TSPAN16: variants seen among roughly 807,000 people sequenced by gnomAD.
TSPAN16 encodes the protein tetraspanin 16, also known as tetraspanin-16.
In TSPAN16, 23 loss-of-function variants were observed where a neutral mutation model predicts 25.2. The ratio of observed to expected loss-of-function variants is 0.91; its 90% CI spans 0.66 to 1.29. The LOEUF is 1.29. TSPAN16 is among the 50% of genes most tolerant of loss of function. The pLI, the probability that TSPAN16 is intolerant of heterozygous loss-of-function variation, is 0.00. For missense variants in TSPAN16, 272 were observed against 299.9 expected, an observed-to-expected ratio of 0.91 and a Z score of 0.69; for synonymous variants, 123 against 124.4, an observed-to-expected ratio of 0.99 and a Z score of 0.08.
At chr19:11,321,305 G>A (rs191154374) in intron 6 of TSPAN16, 1 of 152,288 alleles carries the variant, frequency 6.6e-6, no homozygotes, top group Non-Finnish European at 1.5e-5. Context: ...TTCTTCACAA[G>A]GTGGCAGGAA....
At chr19:11,321,429 C>A (rs2080778944) in intron 6 of TSPAN16, 1 of 152,198 alleles carries the variant, frequency 6.6e-6, no homozygotes, top group Admixed American at 6.5e-5. Context: ...ATTCAATGAC[C>A]TCCACCTGGT....
At chr19:11,313,526 C>CAA (rs59048434) in intron 6 of TSPAN16, among the ~76,000 whole-genome samples, 4 of 118,574 alleles carry the variant, frequency 3.4e-5, no homozygotes, top group Admixed American at 8.7e-5. Flanking sequence ...GACTCTGTCT[C>CAA]AAAAAAAAAA....
chr19:11,326,622 G>C (rs1413709839), intron 6 of TSPAN16, among the ~76,000 whole-genome samples: 2 of 152,170 alleles, frequency 1.3e-5, no homozygotes, highest in Non-Finnish European at 2.9e-5. Context: ...TTTTTTAAAA[G>C]AGAAACGGTC....
chr19:11,302,821 C>T (rs1431061160), intron 4 of TSPAN16, among the ~76,000 whole-genome samples: 1 of 151,300 alleles, frequency 6.6e-6, no homozygotes, highest in East Asian at 1.9e-4. Flanking sequence ...CAGGCTGAAG[C>T]AACCTTCCCA....
chr19:11,298,305 G>A lies in TSPAN16; in HGVS notation c.233G>A (p.Gly78Glu). 6.2e-7 allele frequency: 1 copy of A among 1,614,134 alleles called. No homozygotes were observed. Among genetic ancestry groups the A allele is most frequent in the Non-Finnish European group, 8.5e-7 (1 of 1,180,026 alleles). Reference sequence around the variant, plus strand: ...CTGCTTGGCTGTGCCGGGTGGTATGGAGCGACTAAAGAGAGCAGAGGCACG... The same window carrying A: ...CTGCTTGGCTGTGCCGGGTGGTATGAAGCGACTAAAGAGAGCAGAGGCACG... ...TVLLGCAGWYGATKESRGTLL... is the reference protein window; with the variant it reads ...TVLLGCAGWYEATKESRGTLL... Residue 78 changes from glycine to glutamate, a missense_variant, in exon 2 of 7, where the codon GGA becomes GAA. Coordinates refer to ENST00000590327, the MANE Select transcript of TSPAN16 (RefSeq NM_001282509.2).
At chr19:11,316,358 G>A (rs1339479245), downstream of TSPAN16, among the ~76,000 whole-genome samples, 1 of 152,034 alleles carries the variant, frequency 6.6e-6, no homozygotes, top group African/African-American at 2.4e-5. Context: ...GAGTTCAGGT[G>A]ATCCACCTGC....
At chr19:11,297,156 C>T (rs914711803) in intron 1 of TSPAN16, among the ~76,000 whole-genome samples, 11 of 152,120 alleles carry the variant, frequency 7.2e-5, no homozygotes, top group Non-Finnish European at 1.5e-4. Flanking sequence ...CTCCTCTTCA[C>T]TTGTAACATT....
downstream of TSPAN16, among the ~76,000 whole-genome samples, chr19:11,318,208 A>G (rs1253068099): frequency 6.6e-6 from 1 of 151,602 alleles, no homozygotes; most frequent in African/African-American, 2.4e-5. Flanking sequence ...TTGTATTTTT[A>G]TAGAGATGGG....
intron 6 of TSPAN16, chr19:11,326,667 G>A: frequency 1.6e-6 from 1 of 630,376 alleles, no homozygotes; most frequent in Non-Finnish European, 2.8e-6. Context: ...GTAGTGGTAT[G>A]AACATGGCTC....
At chr19:11,299,066 G>A (rs1599326369) in intron 3 of TSPAN16, 120 bp downstream of exon 3, 1 of 985,770 alleles carries the variant, frequency 1.0e-6, no homozygotes, top group Non-Finnish European at 1.5e-6. Context: ...GATCACCTGA[G>A]GTCATGAGTT....
chr19:11,311,469 C>CACCACG (rs2080691864), intron 5 of TSPAN16, among the ~76,000 whole-genome samples: 2 of 152,128 alleles, frequency 1.3e-5, no homozygotes, highest in African/African-American at 2.4e-5. Context: ...ATTGCTGTGT[C>CACCACG]CCCTGGGCTG....
chr19:11,311,425 C>T (rs1213274519), intron 5 of TSPAN16, among the ~76,000 whole-genome samples: 2 of 151,752 alleles, frequency 1.3e-5, no homozygotes, highest in African/African-American at 2.4e-5. Flanking sequence ...TGAACCACCA[C>T]GCCCAGCCTA....
At chr19:11,300,543 G>A (rs1331560102) in intron 3 of TSPAN16, among the ~76,000 whole-genome samples, 1 of 152,124 alleles carries the variant, frequency 6.6e-6, no homozygotes, top group South Asian at 2.1e-4. Flanking sequence ...TACTCCTGTC[G>A]AGAACAGCCA....
Position 11,301,185 on chromosome 19 carries a change from C to T in TSPAN16, c.343-16C>T, listed in dbSNP as rs1372288448. 1 of 1,609,590 alleles carries T rather than the reference C, an allele frequency of 6.2e-7. No homozygotes were observed. Among genetic ancestry groups the T allele is most frequent in the African/African-American group, 1.3e-5 (1 of 74,896 alleles). The stretch of plus-strand genomic sequence containing the variant: ...TGCTAGTTGGGGTACTGATCACTTC[C>T]TGTCCTCTCTGTGAGGTTGGAGATG... On this transcript the variant is annotated splice_polypyrimidine_tract_variant and intron_variant, in intron 3 of 6. Coordinates refer to ENST00000590327, the MANE Select transcript of TSPAN16 (RefSeq NM_001282509.2).
At chr19:11,321,100 C>T (rs1049010189) in intron 6 of TSPAN16, among the ~76,000 whole-genome samples, 2 of 149,860 alleles carry the variant, frequency 1.3e-5, no homozygotes, top group South Asian at 2.1e-4. Context: ...ACCTGGGAGG[C>T]GGAGGTTGCA....
intron 4 of TSPAN16, 28 bp downstream of exon 4, chr19:11,301,336 G>T: frequency 1.3e-6 from 2 of 1,539,652 alleles, no homozygotes; most frequent in Non-Finnish European, 1.8e-6. Context: ...AAAAAAAATT[G>T]TGGTGTAAAG....
downstream of TSPAN16, among the ~76,000 whole-genome samples, chr19:11,320,031 G>C (rs2080768689): frequency 6.6e-6 from 1 of 151,402 alleles, no homozygotes; most frequent in South Asian, 2.1e-4. Context: ...TGTTAGCCAG[G>C]ATGATCTCGA....
In TSPAN16 at chr19:11,296,335, A is replaced by C; in HGVS notation, c.38A>C (p.Lys13Thr). ...EIHTPYSSLK[K>T]LLSLLNGFVA... ...CACACTCCGTATTCTTCCTTGAAGAAACTGTTATCTTTACTCAATGGCTTC... is the reference window on the plus strand; with the variant it reads ...CACACTCCGTATTCTTCCTTGAAGACACTGTTATCTTTACTCAATGGCTTC... Residue 13 changes from lysine (K) to threonine (T), a missense_variant, in exon 1 of 7, where the codon AAA (lysine) becomes ACA (threonine). Coordinates refer to ENST00000590327, the MANE Select transcript of TSPAN16 (RefSeq NM_001282509.2). 6.2e-7 allele frequency: 1 copy of C among 1,614,202 alleles called. No homozygotes were observed. Among genetic ancestry groups the C allele is most frequent in the Middle Eastern group, 1.6e-4 (1 of 6,062 alleles).
chr19:11,313,943 A>T (rs2080719539), intron 6 of TSPAN16, among the ~76,000 whole-genome samples: 1 of 152,228 alleles, frequency 6.6e-6, no homozygotes, highest in African/African-American at 2.4e-5. Flanking sequence ...ATAATCAAAA[A>T]GTAGATAAAA....
Sources: allele counts gnomAD v4.1 joint callset (sites outside exome capture counted in the v4.1 genomes callset), GRCh38; gene constraint gnomAD v4.1.1; transcripts MANE v1.5; gene names NCBI Gene and HGNC (gene_info 2026-07-23, HGNC 2026-07-21).